The following ZC3H6 variants were observed in gnomAD, a reference collection of about 807,000 sequenced individuals.
ZC3H6 encodes the protein zinc finger CCCH-type containing 6, also known as zinc finger CCCH domain-containing protein 6.
In ZC3H6, 40 loss-of-function variants were observed where a neutral mutation model predicts 107.7. That is an observed-to-expected ratio of 0.37 (90% CI 0.29 to 0.48). The LOEUF (loss-of-function observed/expected upper bound fraction) is 0.48. Among genes scored for constraint, ZC3H6 ranks in the 20% least tolerant of loss-of-function variants. The pLI, the probability that ZC3H6 is intolerant of heterozygous loss-of-function variation, is 0.98. For synonymous variants in ZC3H6, 493 were observed against 487.9 expected (o/e 1.01, Z -0.14); for missense variants, 1,267 against 1,410.4 (o/e 0.90, Z 1.63).
At chr2:112,288,069 TTTA>T (rs1479069561) in intron 1 of ZC3H6, among the ~76,000 whole-genome samples, 4 of 152,210 alleles carry the variant, frequency 2.6e-5, no homozygotes, top group Non-Finnish European at 5.9e-5. Context: ...CATTTTATGT[TTTA>T]TTGTTGCCTT....
chr2:112,305,973 G>C (rs1303451924), intron 3 of ZC3H6, among the ~76,000 whole-genome samples: 1 of 152,088 alleles, frequency 6.6e-6, no homozygotes, highest in Non-Finnish European at 1.5e-5. Context: ...TTGAGACAGA[G>C]CCTTGCTCTG....
At chr2:112,293,791 A>T (rs1462120020) in intron 1 of ZC3H6, among the ~76,000 whole-genome samples, 1 of 152,262 alleles carries the variant, frequency 6.6e-6, no homozygotes, top group Non-Finnish European at 1.5e-5. Context: ...CTATCAAGCA[A>T]GCTGACATAT....
intron 11 of ZC3H6, among the ~76,000 whole-genome samples, chr2:112,330,621 C>G (rs1035462510): frequency 1.2e-4 from 19 of 152,238 alleles, no homozygotes; most frequent in African/African-American, 4.6e-4. Flanking sequence ...TTCCTTTCTC[C>G]TACAGCCCAC....
rs1056187682 is a variant in ZC3H6, at chr2:112,337,658, G to A, written c.*5170G>A. On this transcript the variant is annotated 3_prime_UTR_variant, in exon 12 of 12. Coordinates refer to ENST00000409871, the MANE Select transcript of ZC3H6 (RefSeq NM_198581.3). ...TATTTTTTTGAGACAGTCTCACTTT[G>A]TCGCTCAGGCTGAAGTGCAGTGGCG... 5 of 151,256 alleles carry A rather than the reference G, an allele frequency of 3.3e-5. No individual in the cohort carries two copies. Among genetic ancestry groups the A allele is most frequent in the African/African-American group, 1.2e-4 (5 of 41,084 alleles). The allele number at this position is 151,256 out of a possible 1,614,324, so 9.4% of individuals were successfully genotyped here.
At chr2:112,329,905 T>C (rs1256431279) in intron 11 of ZC3H6, among the ~76,000 whole-genome samples, 1 of 152,222 alleles carries the variant, frequency 6.6e-6, no homozygotes, top group Admixed American at 6.5e-5. Flanking sequence ...AACATCAGTT[T>C]GTAATTCCTT....
chr2:112,288,981 TCTC>T (rs1676020190), intron 1 of ZC3H6, among the ~76,000 whole-genome samples: 1 of 152,054 alleles, frequency 6.6e-6, no homozygotes, highest in Admixed American at 6.6e-5. Context: ...GCGTTCCTCT[TCTC>T]ACTGCCCACC....
intron 11 of ZC3H6, among the ~76,000 whole-genome samples, chr2:112,326,143 A>G (rs1227295807): frequency 6.6e-6 from 1 of 152,136 alleles, no homozygotes; most frequent in Non-Finnish European, 1.5e-5. Flanking sequence ...GAGGCATGCA[A>G]TGCATAATAA....
At position 112,317,489 on chromosome 2, in the gene ZC3H6, C is replaced by G. The variant is rs573796189; in HGVS notation, c.976+157C>G. On this transcript the variant is annotated intron_variant, in intron 7 of 11. Coordinates refer to ENST00000409871, the MANE Select transcript of ZC3H6 (RefSeq NM_198581.3). ...CCCAGTCTAGTCAAACTTTGTACTT[C>G]AAAAGAGCAAACTGACCTTTATTCT... Among the ~76,000 whole-genome samples the G allele has an allele frequency of 2.0e-5, 3 of 152,198 alleles. No homozygotes were observed. In the East Asian group the frequency reaches 5.8e-4, roughly 29 times the overall value.
chr2:112,332,235 C>G lies in ZC3H6; in HGVS notation c.3317C>G (p.Thr1106Ser). 6.2e-7 allele frequency: 1 copy of G among 1,613,996 alleles called. No individual in the cohort carries two copies. The highest frequency in any genetic ancestry group is 1.3e-5 in the African/African-American group (1 of 75,058). The change falls in exon 12 of 12, where the codon ACT becomes AGT. Residue 1106 changes from threonine (T) to serine (S), a missense_variant. Physicochemically the swap from Thr to Ser is moderately conservative, Grantham distance 58. Transcript: ENST00000409871. ...PQKPSPNVGV[T>S]LEGPADPQAD... ...AAACCCAGTCCAAACGTGGGAGTCA[C>G]TCTTGAGGGGCCAGCTGACCCACAG... is the stretch of plus-strand genomic sequence containing the variant.
Position 112,315,560 on chromosome 2 carries a change from T to C in ZC3H6, c.748-910T>C, listed in dbSNP as rs575091388. 2.6e-5 allele frequency among the ~76,000 whole-genome samples: 4 copies of C among 152,238 alleles called. No individual in the cohort carries two copies. The South Asian group carries it at 8.3e-4, about 31-fold the overall frequency. On this transcript the variant is annotated intron_variant, in intron 5 of 11. Coordinates refer to ENST00000409871, the MANE Select transcript of ZC3H6 (RefSeq NM_198581.3). Reference sequence around the variant, plus strand: ...TATTGTAGAATTGGGATCAATTTTTTACTTCATAAAATATTGTAAACTTTT... The same window carrying C: ...TATTGTAGAATTGGGATCAATTTTTCACTTCATAAAATATTGTAAACTTTT...
Position 112,275,835 on chromosome 2 carries a change from CTG to C in ZC3H6, c.-156_-155del. 1 of 561,466 alleles carries C rather than the reference CTG, an allele frequency of 1.8e-6. No homozygotes were observed. The allele number at this position is 561,466 out of a possible 1,614,324, so 34.8% of individuals were successfully genotyped here. ...TGTTAATAGACTGGAAAGTCTGTGT[CTG>C]TGTCGCTCACTAGTAACCGTGAGTT... is the stretch of plus-strand genomic sequence containing the variant. On this transcript the variant is annotated 5_prime_UTR_variant, in exon 1 of 12. Transcript: ENST00000409871.
intron 3 of ZC3H6, among the ~76,000 whole-genome samples, chr2:112,306,174 C>CTTTTTTTT (rs35102517): frequency 1.5e-5 from 2 of 136,888 alleles, no homozygotes; most frequent in Non-Finnish European, 3.1e-5. Flanking sequence ...GTCTGTATTT[C>CTTTTTTTT]TTTTTTTTTT....
intron 7 of ZC3H6, among the ~76,000 whole-genome samples, chr2:112,319,832 A>T (rs1455157505): frequency 6.6e-6 from 1 of 152,196 alleles, no homozygotes; most frequent in Admixed American, 6.5e-5. Flanking sequence ...AAGTAATGTC[A>T]TCCTACAGAG....
chr2:112,293,874 A>C (rs1475683538), intron 1 of ZC3H6, among the ~76,000 whole-genome samples: 7 of 152,214 alleles, frequency 4.6e-5, no homozygotes, highest in Admixed American at 4.6e-4. Context: ...CCTCATCCGC[A>C]GGGTAACACT....
chr2:112,317,632 A>G (rs1676725827), intron 7 of ZC3H6, among the ~76,000 whole-genome samples: 1 of 152,166 alleles, frequency 6.6e-6, no homozygotes, highest in Non-Finnish European at 1.5e-5. Flanking sequence ...TTGGCAAAAT[A>G]CTTATTTTAT....
In ZC3H6 at chr2:112,338,891, A is replaced by G. The variant is rs1455392162; in HGVS notation, c.*6403A>G. The G allele has an allele frequency of 4.3e-4, 8 of 18,592 alleles. No individual in the cohort carries two copies. In the South Asian group the frequency reaches 7.0e-3, roughly 16 times the overall value. 1.2% of individuals were successfully genotyped at this position (18,592 alleles called of 1,614,324 possible). A position where few individuals can be genotyped will look rare whatever the true frequency, so the allele number is the denominator to read the frequency against. On this transcript the variant is annotated 3_prime_UTR_variant, in exon 12 of 12. Coordinates refer to ENST00000409871, the MANE Select transcript of ZC3H6 (RefSeq NM_198581.3). ...TATATATATATATATATATATATAT[A>G]TATATATATATATATATATATAATT...
intron 6 of ZC3H6, 121 bp from the exon 7 acceptor site, chr2:112,317,100 C>A (rs1676711095): frequency 1.7e-6 from 1 of 592,842 alleles, no homozygotes; most frequent in African/African-American, 1.9e-5. Context: ...TTATTAAAGA[C>A]TGAAGATAAT....
At chr2:112,330,977 T>C in intron 11 of ZC3H6, 28 bp from the exon 12 acceptor site, 1 of 1,244,960 alleles carries the variant, frequency 8.0e-7, no homozygotes. Context: ...TAATATAAAG[T>C]TTATAATAAG....
At chr2:112,321,941 T>C (rs1175785807) in intron 8 of ZC3H6, 76 bp downstream of exon 8, 2 of 628,458 alleles carry the variant, frequency 3.2e-6, no homozygotes, top group East Asian at 6.5e-5. Context: ...ATAAGTGATA[T>C]TTTATGAAAC....
Sources: allele counts gnomAD v4.1 joint callset (sites outside exome capture counted in the v4.1 genomes callset), GRCh38; gene constraint gnomAD v4.1.1; transcripts MANE v1.5; gene names NCBI Gene and HGNC (gene_info 2026-07-23, HGNC 2026-07-21).